Variants in LINS1 observed in about 807,000 individuals in gnomAD.
The protein encoded by LINS1 is protein Lines homolog 1.
In LINS1, 27 loss-of-function variants were observed where a neutral mutation model predicts 41.6. The ratio of observed to expected loss-of-function variants is 0.65; its 90% confidence interval spans 0.48 to 0.89. The LOEUF is 0.89. Among genes scored for constraint, LINS1 ranks in the 40% least tolerant of loss-of-function variants. LINS1 has a pLI of 0.00. For synonymous variants in LINS1, 336 were observed against 312.9 expected (o/e 1.07, Z -0.78); for missense variants, 955 against 884.1 (o/e 1.08, Z -1.02).
intron 6 of LINS1, among the ~76,000 whole-genome samples, chr15:100,571,167 T>C (rs2037802436): frequency 6.6e-6 from 1 of 152,194 alleles, no homozygotes; most frequent in Non-Finnish European, 1.5e-5. Context: ...AGTGTCATAA[T>C]ACAAGTAAGT....
At chr15:100,571,466 T>C (rs1260842021) in intron 6 of LINS1, among the ~76,000 whole-genome samples, 1 of 152,210 alleles carries the variant, frequency 6.6e-6, no homozygotes, top group Non-Finnish European at 1.5e-5. Flanking sequence ...TCAGCCCAAA[T>C]TCGACTGAAA....
chr15:100,580,573 G>A lies in LINS1; in HGVS notation c.270C>T (p.Leu90=), dbSNP rs1379635871. The change falls in exon 2 of 7, where the codon CTC becomes CTT. Residue 90 remains leucine, a synonymous_variant. Transcript: ENST00000314742. ...TCACTTTGATCACTGTTAACTGAAGGAGCATTACTTCTCTGGAACCGCTCA... is the reference window on the plus strand; with the variant it reads ...TCACTTTGATCACTGTTAACTGAAGAAGCATTACTTCTCTGGAACCGCTCA... ...SQMSGSREVM[L]LQLTVIKVMT... 6 of 1,613,956 alleles carry A rather than the reference G, an allele frequency of 3.7e-6. No individual in the cohort carries two copies. The highest frequency in any genetic ancestry group is 3.3e-5 in the Admixed American group (2 of 59,950).
intron 1 of LINS1, among the ~76,000 whole-genome samples, chr15:100,582,051 A>G (rs2038569518): frequency 6.6e-6 from 1 of 152,264 alleles, no homozygotes; most frequent in African/African-American, 2.4e-5. Context: ...TCCCATCTTC[A>G]ACTTCCAAAA....
At chr15:100,582,520 T>C (rs894129377) in intron 1 of LINS1, among the ~76,000 whole-genome samples, 1 of 143,442 alleles carries the variant, frequency 7.0e-6, no homozygotes, top group African/African-American at 2.6e-5. Context: ...ACCAGCCTAG[T>C]CTTGGTCTTA....
intron 1 of LINS1, among the ~76,000 whole-genome samples, chr15:100,600,276 T>C (rs1028480798): frequency 1.3e-5 from 2 of 152,112 alleles, no homozygotes; most frequent in African/African-American, 4.8e-5. Context: ...AGAGACCAAA[T>C]GGAGGAGAGA....
At chr15:100,594,946 A>G (rs534694032) in intron 1 of LINS1, among the ~76,000 whole-genome samples, 50 of 152,206 alleles carry the variant, frequency 3.3e-4, no homozygotes, top group African/African-American at 1.2e-3. Context: ...TCAACAATCC[A>G]CTGTTCCTCC....
chr15:100,588,846 G>A (rs1567096354), intron 1 of LINS1, among the ~76,000 whole-genome samples: 3 of 152,204 alleles, frequency 2.0e-5, no homozygotes, highest in Non-Finnish European at 4.4e-5. Context: ...GATGGTCTGT[G>A]TAAGTCATGA....
At chr15:100,601,531 G>A (rs2039493357) in intron 1 of LINS1, among the ~76,000 whole-genome samples, 1 of 152,048 alleles carries the variant, frequency 6.6e-6, no homozygotes, top group South Asian at 2.1e-4. Context: ...TTTTGAAGGG[G>A]ACAGATATTC....
intron 1 of LINS1, chr15:100,596,812 A>G (rs1333028875): frequency 1.3e-5 from 2 of 152,258 alleles, no homozygotes; most frequent in African/African-American, 4.8e-5. Flanking sequence ...GTTAAATCCA[A>G]GATGGCCAAA....
chr15:100,580,960 A>G lies in LINS1; in HGVS notation c.-103-15T>C, dbSNP rs754420027. The G allele has an allele frequency of 3.5e-5, 33 of 944,406 alleles. No homozygotes were observed. The highest frequency in any genetic ancestry group is 4.7e-5 in the Non-Finnish European group (30 of 635,048). The allele number at this position is 944,406 out of a possible 1,614,324, so 58.5% of individuals were successfully genotyped here. ...TTCAGTGAAACCTAAAATAGGAAAA[A>G]TAATTTAAAAATTCTAACTGCTATA... On this transcript the variant is annotated splice_polypyrimidine_tract_variant and intron_variant, in intron 1 of 6. Transcript: ENST00000314742.
chr15:100,572,997 C>A, intron 5 of LINS1: 1 of 197,850 alleles, frequency 5.1e-6, no homozygotes, highest in Non-Finnish European at 9.2e-6. Context: ...AGAGCAAGAC[C>A]CTGCCTCAAA....
chr15:100,577,606 G>C (rs1281048086), intron 3 of LINS1, among the ~76,000 whole-genome samples: 1 of 151,920 alleles, frequency 6.6e-6, no homozygotes, highest in Non-Finnish European at 1.5e-5. Context: ...GCCCAAGGTA[G>C]TTTATAGATT....
rs1363552328 is a variant in LINS1, at chr15:100,575,032, C to A, written c.586G>T (p.Ala196Ser). 1 of 1,612,900 alleles carries A rather than the reference C, an allele frequency of 6.2e-7. No individual in the cohort carries two copies. The highest frequency in any genetic ancestry group is 1.7e-5 in the Admixed American group (1 of 60,002). The change falls in exon 4 of 7, where the codon GCA (alanine) becomes TCA (serine). Residue 196 changes from alanine to serine, a missense_variant. Physicochemically the swap from Ala to Ser is moderately conservative, Grantham distance 99. Coordinates refer to ENST00000314742, the MANE Select transcript of LINS1 (RefSeq NM_001040616.3). ...KAIYCLWTLT[A>S]IIKEIFKDSC... ...TCTTTAAAGATTTCTTTTATTATTG[C>A]TGTAAGAGTCCAGAGGCAGTATATT...
rs190102494 is a variant in LINS1, at chr15:100,599,757, T to A, written c.-104+2364A>T. Among the ~76,000 whole-genome samples the A allele has an allele frequency of 4.3e-3, 661 of 152,344 alleles. 3 individuals are homozygous for A. Among genetic ancestry groups the A allele is most frequent in the Admixed American group, 8.2e-3 (126 of 15,300 alleles). Reference sequence around the variant, plus strand: ...TATAAAACTGAACTTGTACATTATATTTGAACTGTTAAAAAGCAAAATTTG... The same window carrying A: ...TATAAAACTGAACTTGTACATTATAATTGAACTGTTAAAAAGCAAAATTTG... On this transcript the variant is annotated intron_variant, in intron 1 of 6. Transcript: ENST00000314742.
intron 1 of LINS1, among the ~76,000 whole-genome samples, chr15:100,600,551 C>CAAAAAAGAAAAAAA (rs2039437157): frequency 2.5e-5 from 2 of 79,674 alleles, no homozygotes; most frequent in African/African-American, 6.7e-5. Flanking sequence ...TGCTGTTAAG[C>CAAAAAAGAAAAAAA]AAAAAAAAAA....
chr15:100,577,926 G>C (rs1248756618), intron 3 of LINS1, among the ~76,000 whole-genome samples: 1 of 152,168 alleles, frequency 6.6e-6, no homozygotes, highest in Non-Finnish European at 1.5e-5. Context: ...AATGGGGAAA[G>C]GATTCCCTAT....
chr15:100,590,777 T>C (rs2039000788), intron 1 of LINS1, among the ~76,000 whole-genome samples: 1 of 152,190 alleles, frequency 6.6e-6, no homozygotes, highest in Non-Finnish European at 1.5e-5. Context: ...GAGTAGGCTC[T>C]TTATCTAGCT....
In LINS1 at chr15:100,587,182, A is replaced by AAAAAAAAAAAAAAAG; in HGVS notation, c.-103-6238_-103-6237insCTTTTTTTTTTTTTT. Among the ~76,000 whole-genome samples, 2 of 124,376 alleles carry AAAAAAAAAAAAAAAG rather than the reference A, an allele frequency of 1.6e-5. 1 individual carries two copies. The highest frequency in any genetic ancestry group is 3.3e-5 in the Non-Finnish European group (2 of 60,366). The allele number at this position is 124,376 out of a possible 152,430, so 81.6% of individuals were successfully genotyped here. On this transcript the variant is annotated intron_variant, in intron 1 of 6. Transcript: ENST00000314742. Reference sequence around the variant, plus strand: ...TAAAAAAAAAAAAAAAAAAAAAAAAACATTAGCAGTTTGGCAATTCTTTAA... The same window carrying AAAAAAAAAAAAAAAG: ...TAAAAAAAAAAAAAAAAAAAAAAAAAAAAAAAAAAAAAAAGCATTAGCAGTTTGGCAATTCTTTAA...
At chr15:100,597,595 T>A (rs896563555) in intron 1 of LINS1, among the ~76,000 whole-genome samples, 11 of 152,262 alleles carry the variant, frequency 7.2e-5, no homozygotes, top group Admixed American at 5.9e-4. Flanking sequence ...AATTATCCAG[T>A]GTATCAATAT....
Sources: gnomAD v4.1 joint callset for allele counts (sites outside exome capture counted in the v4.1 genomes callset) on GRCh38, gnomAD v4.1.1 for gene constraint, MANE v1.5 for transcripts, NCBI Gene and HGNC (gene_info 2026-07-23, HGNC 2026-07-21) for gene names.